ERMN: variants seen among roughly 807,000 people sequenced by gnomAD.
The protein encoded by ERMN is ermin, ERM-like protein.
A neutral mutation model predicts 21.4 loss-of-function variants in ERMN; 17 were observed. The observed-to-expected ratio is 0.80, with a 90% CI of 0.54 to 1.19. ERMN has a LOEUF of 1.19. Ranked by LOEUF, ERMN falls within the 50% of genes most tolerant of loss-of-function variation. ERMN has a pLI of 0.00. For synonymous variants in ERMN, 115 were observed against 111.9 expected (o/e 1.03, Z -0.17); for missense variants, 348 against 331.6 (o/e 1.05, Z -0.38).
Position 157,319,392 on chromosome 2 carries a change from A to C in ERMN, c.*1879T>G, listed in dbSNP as rs1683814129. 1 of 152,172 alleles carries C rather than the reference A, an allele frequency of 6.6e-6. No individual in the cohort carries two copies. Among genetic ancestry groups the C allele is most frequent in the Admixed American group, 6.6e-5 (1 of 15,254 alleles). 9.4% of individuals were successfully genotyped at this position (152,172 alleles called of 1,614,324 possible). ...ACATAACCATAGGTCACCCACCTCT[A>C]GTTCTACAGGAATCCATCATCTCTG... is the stretch of plus-strand genomic sequence containing the variant. On this transcript the variant is annotated 3_prime_UTR_variant, in exon 3 of 3. Coordinates refer to ENST00000410096, the MANE Select transcript of ERMN (RefSeq NM_020711.3).
chr2:157,327,304 A>G, upstream of ERMN: 1 of 591,510 alleles, frequency 1.7e-6, no homozygotes, highest in Non-Finnish European at 3.0e-6. Context: ...CTTGGAAGAC[A>G]TCTCTAATAG....
rs1429351717 is a variant in ERMN at position 157,320,512 on chromosome 2, GA to G, written c.*758del. 19 of 152,604 alleles carry G rather than the reference GA, an allele frequency of 1.2e-4. No individual in the cohort carries two copies. In the East Asian group the frequency reaches 3.7e-3, roughly 29 times the overall value. 9.5% of individuals were successfully genotyped at this position (152,604 alleles called of 1,614,324 possible). Reference sequence around the variant, plus strand: ...AGACAAGATTTTATTTTCAGCCACAGAAATAAAACTATCCAACATAACTCTT... The same window carrying G: ...AGACAAGATTTTATTTTCAGCCACAGAATAAAACTATCCAACATAACTCTT... On this transcript the variant is annotated 3_prime_UTR_variant, in exon 3 of 3. Transcript: ENST00000410096.
At chr2:157,326,218 A>G (rs1347880603), upstream of ERMN, among the ~76,000 whole-genome samples, 2 of 152,214 alleles carry the variant, frequency 1.3e-5, no homozygotes, top group African/African-American at 2.4e-5. Context: ...GGACAATGGC[A>G]TTGTTTCTTA....
rs116695805 is a variant in ERMN, at chr2:157,325,192, G to A, written c.241+210C>T. 1.7e-3 allele frequency: 1,220 copies of A among 713,594 alleles called. 15 individuals carry two copies. The African/African-American group carries it at 0.018, about 10-fold the overall frequency. 44.2% of individuals were successfully genotyped at this position (713,594 alleles called of 1,614,324 possible). A position where few individuals can be genotyped will look rare whatever the true frequency, so the allele number is the denominator to read the frequency against. On this transcript the variant is annotated intron_variant, in intron 1 of 2. Transcript: ENST00000410096. Reference sequence around the variant, plus strand: ...TCTAGTGAAAAAAACTCAGGCTTCGGGAGACAGAAAGTTGTCTGGGGTCAC... The same window carrying A: ...TCTAGTGAAAAAAACTCAGGCTTCGAGAGACAGAAAGTTGTCTGGGGTCAC...
chr2:157,321,867 A>G (rs1044951871), intron 2 of ERMN, 76 bp from the exon 3 acceptor site: 1 of 1,308,104 alleles, frequency 7.6e-7, no homozygotes, highest in African/African-American at 1.5e-5. Context: ...TATTCTCCAA[A>G]TAATTTTTCT....
At chr2:157,327,267 C>T, upstream of ERMN, 1 of 546,612 alleles carries the variant, frequency 1.8e-6, no homozygotes, top group Non-Finnish European at 3.3e-6. Flanking sequence ...CAACACCTCA[C>T]TCTTGTATAA....
In ERMN at chr2:157,321,245, A is replaced by C; in HGVS notation, c.*26T>G. ...AGAATTAGCTTTTCCTTTAGTGGGC[A>C]TGAGAATTTCTCAGTTCCAGTTAGT... On this transcript the variant is annotated 3_prime_UTR_variant, in exon 3 of 3. Coordinates refer to ENST00000410096, the MANE Select transcript of ERMN (RefSeq NM_020711.3). 1.3e-6 allele frequency: 2 copies of C among 1,594,862 alleles called. No individual in the cohort carries two copies. Among genetic ancestry groups the C allele is most frequent in the Non-Finnish European group, 8.5e-7 (1 of 1,170,300 alleles).
intron 2 of ERMN, among the ~76,000 whole-genome samples, chr2:157,323,592 T>G (rs1204929218): frequency 2.6e-5 from 4 of 152,210 alleles, no homozygotes; most frequent in African/African-American, 9.6e-5. Flanking sequence ...ATATTTTGCC[T>G]GTTAAAGTCC....
chr2:157,319,656 C>T lies in ERMN; in HGVS notation c.*1615G>A, dbSNP rs960564726. 6.6e-6 allele frequency: 1 copy of T among 152,152 alleles called. No homozygotes were observed. Among genetic ancestry groups the T allele is most frequent in the African/African-American group, 2.4e-5 (1 of 41,444 alleles). 9.4% of individuals were successfully genotyped at this position (152,152 alleles called of 1,614,324 possible). ...ATCAATAAAGACCTGATTTCCCTCA[C>T]TTTATTCTGGAAACTGATATTGTAA... On this transcript the variant is annotated 3_prime_UTR_variant, in exon 3 of 3. Transcript: ENST00000410096.
rs1366677337 is a variant in ERMN at position 157,319,199 on chromosome 2, T to C, written c.*2072A>G. On this transcript the variant is annotated 3_prime_UTR_variant, in exon 3 of 3. Coordinates refer to ENST00000410096, the MANE Select transcript of ERMN (RefSeq NM_020711.3). ...GTTTCAGGGTTTTTTTGCAAAAACA[T>C]TGTGTCATCCATGAACATGAAGCAT... The C allele has an allele frequency of 6.6e-6, 1 of 152,162 alleles. No homozygotes were observed. Among genetic ancestry groups the C allele is most frequent in the Non-Finnish European group, 1.5e-5 (1 of 68,004 alleles). 9.4% of individuals were successfully genotyped at this position (152,162 alleles called of 1,614,324 possible).
chr2:157,322,893 AAAGT>A (rs1237483206), intron 2 of ERMN, among the ~76,000 whole-genome samples: 1 of 152,260 alleles, frequency 6.6e-6, no homozygotes, highest in Non-Finnish European at 1.5e-5. Flanking sequence ...CACAAGAACC[AAAGT>A]AAGTGATATT....
chr2:157,325,629 G>A lies in ERMN; in HGVS notation c.14C>T (p.Pro5Leu), dbSNP rs201076820. ...ACACTCAGCCTGGGTAAATGTAGCC[G>A]GAACATCTGTCATGATGTGCGGTTG... is the stretch of plus-strand genomic sequence containing the variant. MTDV[P>L]ATFTQAECNG... The change falls in exon 1 of 3, where the codon CCG (proline) becomes CTG (leucine). Residue 5 changes from proline (P) to leucine (L), a missense_variant. By Grantham distance (98) the Pro-to-Leu change is moderately conservative. Transcript: ENST00000410096. The A allele has an allele frequency of 2.3e-3, 3,694 of 1,614,144 alleles. 2 individuals are homozygous for A. The highest frequency in any genetic ancestry group is 2.9e-3 in the Non-Finnish European group (3,467 of 1,179,996).
At position 157,325,811 on chromosome 2, in the gene ERMN, T is replaced by A; in HGVS notation, c.-169A>T. 4.1e-6 allele frequency: 6 copies of A among 1,470,922 alleles called. No individual in the cohort carries two copies. Among genetic ancestry groups the A allele is most frequent in the Non-Finnish European group, 5.4e-6 (6 of 1,115,174 alleles). The allele number at this position is 1,470,922 out of a possible 1,614,324, so 91.1% of individuals were successfully genotyped here. On this transcript the variant is annotated 5_prime_UTR_variant, in exon 1 of 3. Transcript: ENST00000410096. ...TAACAAGGTTCTTTTCCTAAAAGTA[T>A]CCAGACAGAGATTAGAGCAAAAGCA...
chr2:157,325,951 A>C, upstream of ERMN: 1 of 1,255,534 alleles, frequency 8.0e-7, no homozygotes, highest in Non-Finnish European at 1.0e-6. Context: ...ATTTACATAA[A>C]CAAACAATCT....
upstream of ERMN, among the ~76,000 whole-genome samples, chr2:157,326,633 C>A (rs1002023352): frequency 6.6e-6 from 1 of 152,148 alleles, no homozygotes; most frequent in African/African-American, 2.4e-5. Context: ...ACTGACCACC[C>A]CTTCCTTTTT....
chr2:157,323,267 C>T (rs553148301), intron 2 of ERMN, among the ~76,000 whole-genome samples: 40 of 152,280 alleles, frequency 2.6e-4, no homozygotes, highest in African/African-American at 9.4e-4. Context: ...GAAAGGGGCT[C>T]TAGATGATAG....
At position 157,321,218 on chromosome 2, in the gene ERMN, A is replaced by C; in HGVS notation, c.*53T>G. The stretch of plus-strand genomic sequence containing the variant: ...GCATAGAAATATGCACCCTGGGGCA[A>C]TAGAATTAGCTTTTCCTTTAGTGGG... On this transcript the variant is annotated 3_prime_UTR_variant, in exon 3 of 3. Coordinates refer to ENST00000410096, the MANE Select transcript of ERMN (RefSeq NM_020711.3). 6.4e-7 allele frequency: 1 copy of C among 1,563,524 alleles called. No homozygotes were observed.
At chr2:157,326,905 C>A (rs1684081054), upstream of ERMN, among the ~76,000 whole-genome samples, 1 of 152,118 alleles carries the variant, frequency 6.6e-6, no homozygotes, top group Non-Finnish European at 1.5e-5. Context: ...TAAGCAACTG[C>A]ACAATTATCT....
Position 157,325,758 on chromosome 2 carries a change from A to G in ERMN, c.-116T>C. On this transcript the variant is annotated 5_prime_UTR_variant, in exon 1 of 3. Transcript: ENST00000410096. ...CTATAGTTCCAACTCCTACTCTAAG[A>G]GCACAAATTATTCACTTTAGTACAT... is the stretch of plus-strand genomic sequence containing the variant. 2 of 1,561,378 alleles carry G rather than the reference A, an allele frequency of 1.3e-6. No homozygotes were observed. Among genetic ancestry groups the G allele is most frequent in the South Asian group, 2.4e-5 (2 of 83,310 alleles).
Sources: allele counts gnomAD v4.1 joint callset (sites outside exome capture counted in the v4.1 genomes callset), GRCh38; gene constraint gnomAD v4.1.1; transcripts MANE v1.5; gene names NCBI Gene and HGNC (gene_info 2026-07-23, HGNC 2026-07-21).